TLCD1: variants seen among roughly 807,000 people sequenced by gnomAD.
TLCD1 encodes TLC domain-containing protein 1.
In TLCD1, 21 loss-of-function variants were observed where a neutral mutation model predicts 21.2. The observed-to-expected ratio is 0.99, with a 90% CI of 0.70 to 1.42. TLCD1 has a LOEUF of 1.42. Ranked by LOEUF, TLCD1 falls within the 40% of genes most tolerant of loss-of-function variation. The pLI is 0.00. For missense variants in TLCD1, 344 were observed against 330.3 expected (o/e 1.04, Z -0.32); for synonymous variants, 168 against 134.8 (o/e 1.25, Z -1.71).
Position 28,725,529 on chromosome 17 carries a change from C to T in TLCD1, c.229G>A (p.Glu77Lys). 6.2e-7 allele frequency: 1 copy of T among 1,614,142 alleles called. No individual in the cohort carries two copies. The highest frequency in any genetic ancestry group is 1.1e-5 in the South Asian group (1 of 91,076). Residue 77 changes from glutamate (E) to lysine (K), a missense_variant, in exon 2 of 4, where the codon GAG becomes AAG. Physicochemically the swap from Glu to Lys is moderately conservative, Grantham distance 56. Transcript: ENST00000292090. ...TAGCCAGAAAGTGACCACGCCGTCT[C>T]AATCTCCACTAACATGTCAGGAGTC... Reference protein sequence around the residue: ...WQTPDMLVEIETAWSLSGYLL... With the variant: ...WQTPDMLVEIKTAWSLSGYLL...
rs2151728243 is a variant in TLCD1, at chr17:28,726,176, C to T, written c.-79G>A. On this transcript the variant is annotated 5_prime_UTR_variant, in exon 1 of 4. Coordinates refer to ENST00000292090, the MANE Select transcript of TLCD1 (RefSeq NM_138463.4). Reference sequence around the variant, plus strand: ...AACCGGGATCCCTCTCGGGCCAGTCCAGGCCGGCCGCCTCTCCCGCCGGCC... The same window carrying T: ...AACCGGGATCCCTCTCGGGCCAGTCTAGGCCGGCCGCCTCTCCCGCCGGCC... 7.3e-7 allele frequency: 1 copy of T among 1,377,950 alleles called. No homozygotes were observed. Among genetic ancestry groups the T allele is most frequent in the Non-Finnish European group, 9.3e-7 (1 of 1,074,512 alleles). The allele number at this position is 1,377,950 out of a possible 1,614,324, so 85.4% of individuals were successfully genotyped here.
intron 1 of TLCD1, 110 bp downstream of exon 1, chr17:28,725,794 C>T (rs2034215482): frequency 5.7e-6 from 8 of 1,413,940 alleles, no homozygotes; most frequent in Non-Finnish European, 6.7e-6. Flanking sequence ...TCAGGTGAGA[C>T]TGCGTGGCCT....
chr17:28,725,336 C>T lies in TLCD1; in HGVS notation c.328G>A (p.Ala110Thr). Residue 110 changes from alanine (A) to threonine (T), a missense_variant, in exon 3 of 4, where the codon GCC (alanine) becomes ACC (threonine). Transcript: ENST00000292090. The stretch of plus-strand genomic sequence containing the variant: ...TGATGGACAAGGTATTCCCAAGAGG[C>T]TCGCGTCTGTCCGCTAGCCACGATG... The part of the protein sequence containing the change: ...VDIVASGQTR[A>T]SWEYLVHHVM... 1.9e-6 allele frequency: 3 copies of T among 1,614,010 alleles called. No individual in the cohort carries two copies. The African/African-American group carries it at 4.0e-5, about 22-fold the overall frequency.
chr17:28,725,426 G>A (rs1338635509), intron 2 of TLCD1, 40 bp from the exon 3 acceptor site: 1 of 1,613,898 alleles, frequency 6.2e-7, no homozygotes, highest in Non-Finnish European at 8.5e-7. Context: ...AACTGAACAA[G>A]CAGCTTCCTT....
chr17:28,727,148 G>C, upstream of TLCD1: 1 of 354,396 alleles, frequency 2.8e-6, no homozygotes, highest in South Asian at 4.1e-5. Flanking sequence ...ATGAGAGCGG[G>C]GAGGGAGAAG....
In TLCD1 at chr17:28,725,991, C is replaced by A. The variant is rs1332025413; in HGVS notation, c.107G>T (p.Arg36Leu). 6.2e-7 allele frequency: 1 copy of A among 1,611,428 alleles called. No individual in the cohort carries two copies. Among genetic ancestry groups the A allele is most frequent in the Non-Finnish European group, 8.5e-7 (1 of 1,179,344 alleles). Residue 36 changes from arginine (R) to leucine (L), a missense_variant, in exon 1 of 4, where the codon CGC (arginine) becomes CTC (leucine). Transcript: ENST00000292090. ...GCGCCAGGTGCGCAGGGGGTCGGCGCGCACGTGCACGGGTAGGGGCAGGCG... is the reference window on the plus strand; with the variant it reads ...GCGCCAGGTGCGCAGGGGGTCGGCGAGCACGTGCACGGGTAGGGGCAGGCG... Reference protein sequence around the residue: ...LCRLPLPVHVRADPLRTWRWH... With the variant: ...LCRLPLPVHVLADPLRTWRWH...
chr17:28,725,190 A>C, intron 3 of TLCD1, 114 bp downstream of exon 3: 1 of 1,215,450 alleles, frequency 8.2e-7, no homozygotes, highest in Non-Finnish European at 1.2e-6. Context: ...GAAGTAGCAC[A>C]CAGGTCGGGG....
At chr17:28,727,066 G>A (rs1374308687), upstream of TLCD1, 4 of 569,842 alleles carry the variant, frequency 7.0e-6, no homozygotes, top group African/African-American at 2.1e-5. Context: ...AGCTGCTTTC[G>A]GGGAGAGTTT....
chr17:28,724,612 C>T lies in TLCD1; in HGVS notation c.642G>A (p.Leu214=), dbSNP rs1463959459. 6.8e-6 allele frequency: 11 copies of T among 1,614,136 alleles called. No individual in the cohort carries two copies. Among genetic ancestry groups the T allele is most frequent in the South Asian group, 3.3e-5 (3 of 91,068 alleles). Residue 214 remains leucine, a synonymous_variant, in exon 4 of 4, where the codon CTG becomes CTA. Transcript: ENST00000292090. ...GTFLLGILLM[L]DVMIIIYFSR... The stretch of plus-strand genomic sequence containing the variant: ...AAAAGTAGATTATGATCATCACGTC[C>T]AGCATGAGCAGGATACCCAGCAGGA...
chr17:28,726,575 G>A (rs1038320455), upstream of TLCD1, among the ~76,000 whole-genome samples: 3 of 152,030 alleles, frequency 2.0e-5, no homozygotes, highest in African/African-American at 7.2e-5. Context: ...GGCGGGTACC[G>A]CGAGAGCTCT....
intron 3 of TLCD1, 136 bp from the exon 4 acceptor site, chr17:28,725,029 A>G: frequency 1.9e-6 from 2 of 1,035,626 alleles, no homozygotes; most frequent in Non-Finnish European, 2.7e-6. Flanking sequence ...AGTGGGTAAG[A>G]TGCTTTGTTT....
intron 1 of TLCD1, 142 bp from the exon 2 acceptor site, chr17:28,725,705 A>G: frequency 2.6e-6 from 3 of 1,154,234 alleles, no homozygotes; most frequent in Non-Finnish European, 2.5e-6. Flanking sequence ...GCAAAACCCA[A>G]GAGCCTCCAG....
In TLCD1 at chr17:28,724,896, A is replaced by G. The variant is rs2034188751; in HGVS notation, c.361-3T>C. 6.2e-7 allele frequency: 1 copy of G among 1,610,506 alleles called. No homozygotes were observed. Among genetic ancestry groups the G allele is most frequent in the South Asian group, 1.1e-5 (1 of 90,982 alleles). On this transcript the variant is annotated splice_region_variant and splice_polypyrimidine_tract_variant and intron_variant, in intron 3 of 3. Coordinates refer to ENST00000292090, the MANE Select transcript of TLCD1 (RefSeq NM_138463.4). ...CCGGAGAAGAAGGCACCCATGGCCT[A>G]GAGGGAAGAAAGAATAGGAGTTAGG...
Position 28,724,688 on chromosome 17 carries a change from T to G in TLCD1, c.566A>C (p.Tyr189Ser). 3 of 1,614,038 alleles carry G rather than the reference T, an allele frequency of 1.9e-6. No individual in the cohort carries two copies. The highest frequency in any genetic ancestry group is 2.5e-6 in the Non-Finnish European group (3 of 1,179,986). Residue 189 changes from tyrosine (Y) to serine (S), a missense_variant, in exon 4 of 4, where the codon TAC becomes TCC. By Grantham distance (144) the Tyr-to-Ser change is moderately radical (BLOSUM62 -2). Transcript: ENST00000292090. ...YFLFRLAPQA[Y>S]LTHFFLRYVN... ...ATAACGCAAGAAGAAATGGGTGAGG[T>G]AGGCCTGAGGGGCCAGGCGGAAGAG...
Position 28,725,928 on chromosome 17 carries a change from A to C in TLCD1, c.170T>G (p.Val57Gly), listed in dbSNP as rs1278291694. 6.2e-7 allele frequency: 1 copy of C among 1,613,004 alleles called. No homozygotes were observed. The highest frequency in any genetic ancestry group is 8.5e-7 in the Non-Finnish European group (1 of 1,179,882). The change falls in exon 1 of 4, where the codon GTG becomes GGG. Residue 57 changes from valine to glycine, a missense_variant. Coordinates refer to ENST00000292090, the MANE Select transcript of TLCD1 (RefSeq NM_138463.4). The part of the protein sequence containing the change: ...NLLVSFAHSI[V>G]SGIWALLCVW... ...CCACAGCAGTGCCCAGATCCCCGAC[A>C]CAATGGAGTGAGCGAAGGAGACGAG...
upstream of TLCD1, chr17:28,726,704 C>T (rs2034236620): frequency 6.6e-7 from 1 of 1,521,434 alleles, no homozygotes; most frequent in Non-Finnish European, 8.9e-7. Context: ...CGTGCAGACC[C>T]AGTGCCCCTA....
upstream of TLCD1, chr17:28,727,174 G>A (rs1325606097): frequency 1.6e-5 from 4 of 253,140 alleles, no homozygotes; most frequent in Non-Finnish European, 3.1e-5. Flanking sequence ...AGTAATAGAG[G>A]AGGGGCGGGA....
At chr17:28,726,827 G>A (rs2034240359), upstream of TLCD1, 2 of 1,547,130 alleles carry the variant, frequency 1.3e-6, no homozygotes, top group Non-Finnish European at 1.7e-6. Flanking sequence ...CTTCCCGCCG[G>A]CTCTTAAACT....
chr17:28,726,155 G>A lies in TLCD1; in HGVS notation c.-58C>T. 2.1e-6 allele frequency: 3 copies of A among 1,401,956 alleles called. No individual in the cohort carries two copies. The highest frequency in any genetic ancestry group is 2.8e-6 in the Non-Finnish European group (3 of 1,088,818). The allele number at this position is 1,401,956 out of a possible 1,614,324, so 86.8% of individuals were successfully genotyped here. A position where few individuals can be genotyped will look rare whatever the true frequency, so the allele number is the denominator to read the frequency against. On this transcript the variant is annotated 5_prime_UTR_variant, in exon 1 of 4. Coordinates refer to ENST00000292090, the MANE Select transcript of TLCD1 (RefSeq NM_138463.4). ...GCCTCCTAGGTCTGTTCTGGGAACC[G>A]GGATCCCTCTCGGGCCAGTCCAGGC... is the stretch of plus-strand genomic sequence containing the variant.
Sources: gnomAD v4.1 joint callset for allele counts (sites outside exome capture counted in the v4.1 genomes callset) on GRCh38, gnomAD v4.1.1 for gene constraint, MANE v1.5 for transcripts, NCBI Gene and HGNC (gene_info 2026-07-23, HGNC 2026-07-21) for gene names.